Variants in LILRA1 observed in about 807,000 individuals in gnomAD.
The protein encoded by LILRA1 is leukocyte immunoglobulin-like receptor subfamily A member 1.
A neutral mutation model predicts 51.6 loss-of-function variants in LILRA1; 51 were observed. That is an observed-to-expected ratio of 0.99 (90% CI 0.79 to 1.25). The LOEUF (loss-of-function observed/expected upper bound fraction) is 1.25, where lower values mean the gene tolerates loss of function less well. LILRA1 is among the 50% of genes most tolerant of loss of function. The pLI is 0.00. For missense variants in LILRA1, 660 were observed against 611.7 expected (o/e 1.08, Z -0.83); for synonymous variants, 305 against 248.4 (o/e 1.23, Z -2.14).
intron 7 of LILRA1, among the ~76,000 whole-genome samples, chr19:54,597,055 G>A (rs2063074531): frequency 6.6e-6 from 1 of 152,236 alleles, no homozygotes; most frequent in South Asian, 2.1e-4. Context: ...AGAGTAGACT[G>A]AGGGTGAAAG....
In LILRA1 at chr19:54,594,495, C is replaced by A. The variant is rs374294332; in HGVS notation, c.70+19C>A. On this transcript the variant is annotated intron_variant, in intron 3 of 9. Transcript: ENST00000251372. Reference sequence around the variant, plus strand: ...CAGGCAGGTGAGTCTGTCCCCAGCTCTCCCAGGTCCCTCCTCCTCACTGGG... The same window carrying A: ...CAGGCAGGTGAGTCTGTCCCCAGCTATCCCAGGTCCCTCCTCCTCACTGGG... 7.0e-7 allele frequency: 1 copy of A among 1,437,860 alleles called. No individual in the cohort carries two copies. Among genetic ancestry groups the A allele is most frequent in the Non-Finnish European group, 9.3e-7 (1 of 1,072,238 alleles). The allele number at this position is 1,437,860 out of a possible 1,614,324, so 89.1% of individuals were successfully genotyped here.
chr19:54,599,090 G>A, intron 7 of LILRA1, 146 bp from the exon 8 acceptor site: 1 of 996,480 alleles, frequency 1.0e-6, no homozygotes, highest in South Asian at 1.5e-5. Context: ...CACTGTGCCT[G>A]GCCTGAATAT....
At chr19:54,597,850 T>A (rs2063091482) in intron 7 of LILRA1, among the ~76,000 whole-genome samples, 1 of 151,030 alleles carries the variant, frequency 6.6e-6, no homozygotes. Flanking sequence ...ACACGTGCTG[T>A]GAATAATTCC....
Position 54,602,206 on chromosome 19 carries a change from C to G in LILRA1, c.*1389C>G, listed in dbSNP as rs55797272. 2.0e-4 allele frequency: 29 copies of G among 147,808 alleles called. No individual in the cohort carries two copies. Among genetic ancestry groups the G allele is most frequent in the African/African-American group, 7.1e-4 (27 of 38,046 alleles). The allele number at this position is 147,808 out of a possible 1,614,324, so 9.2% of individuals were successfully genotyped here. On this transcript the variant is annotated 3_prime_UTR_variant, in exon 10 of 10. Transcript: ENST00000251372. ...AATCTTATCATTCGCCATCTACCCT[C>G]TAGAATAAAGAAATCTTATCATTCA...
chr19:54,595,541 C>T (rs1600264761), intron 5 of LILRA1, 98 bp from the exon 6 acceptor site: 10 of 1,543,132 alleles, frequency 6.5e-6, no homozygotes, highest in East Asian at 2.3e-5. Context: ...GGGCCGGAGA[C>T]ACAGGAAGAT....
In LILRA1 at chr19:54,595,667, G is replaced by T. The variant is rs2063026923; in HGVS notation, c.690G>T (p.Val230=). The T allele has an allele frequency of 6.2e-7, 1 of 1,613,244 alleles. No individual in the cohort carries two copies. The highest frequency in any genetic ancestry group is 1.3e-5 in the African/African-American group (1 of 75,000). ...LGVSKKPSLS[V]QPGPIVAPGE... is the part of the protein sequence containing the mutation. ...TTTCTAAGAAGCCATCACTCTCAGTGCAGCCAGGTCCTATAGTGGCCCCTG... is the reference window on the plus strand; with the variant it reads ...TTTCTAAGAAGCCATCACTCTCAGTTCAGCCAGGTCCTATAGTGGCCCCTG... Residue 230 remains valine (V), a synonymous_variant, in exon 6 of 10, where the codon GTG becomes GTT. Transcript: ENST00000251372.
In LILRA1 at chr19:54,595,552, C is replaced by T. The variant is rs2063022664; in HGVS notation, c.662-87C>T. 1.1e-5 allele frequency: 17 copies of T among 1,548,668 alleles called. No individual in the cohort carries two copies. The South Asian group carries it at 2.1e-4, about 19-fold the overall frequency. ...CCTGGGGCCGGAGACACAGGAAGAT[C>T]AGCAGTGGTGAGGCCCCGGGGGAGA... On this transcript the variant is annotated intron_variant, in intron 5 of 9. Coordinates refer to ENST00000251372, the MANE Select transcript of LILRA1 (RefSeq NM_006863.4).
In LILRA1 at chr19:54,595,212, T is replaced by C. The variant is rs1251035937; in HGVS notation, c.471T>C (p.Cys157=). 6.2e-7 allele frequency: 1 copy of C among 1,613,984 alleles called. No homozygotes were observed. Among genetic ancestry groups the C allele is most frequent in the Admixed American group, 1.7e-5 (1 of 60,010 alleles). The change falls in exon 5 of 10, where the codon TGT becomes TGC. Residue 157 remains cysteine, a synonymous_variant. Coordinates refer to ENST00000251372, the MANE Select transcript of LILRA1 (RefSeq NM_006863.4). ...SQVAFGSFIL[C]KEGEDEHPQC... is the part of the protein sequence containing the mutation. ...TGGCATTTGGCAGCTTCATTCTGTG[T>C]AAGGAAGGAGAAGATGAACACCCAC...
At position 54,594,767 on chromosome 19, in the gene LILRA1, A is replaced by C. The variant is rs770558939; in HGVS notation, c.173A>C (p.Tyr58Ser). The part of the protein sequence containing the change: ...WCQGILETQE[Y>S]RLYREKKTAP... ...CAGGGGATCCTGGAGACCCAGGAGTACCGTCTGTATAGAGAAAAGAAAACA... is the reference window on the plus strand; with the variant it reads ...CAGGGGATCCTGGAGACCCAGGAGTCCCGTCTGTATAGAGAAAAGAAAACA... The change falls in exon 4 of 10, where the codon TAC becomes TCC. Residue 58 changes from tyrosine (Y) to serine (S), a missense_variant. Physicochemically the swap from Tyr to Ser is moderately radical, Grantham distance 144. Coordinates refer to ENST00000251372, the MANE Select transcript of LILRA1 (RefSeq NM_006863.4). 2 of 1,614,002 alleles carry C rather than the reference A, an allele frequency of 1.2e-6. No individual in the cohort carries two copies. Among genetic ancestry groups the C allele is most frequent in the South Asian group, 2.2e-5 (2 of 91,090 alleles).
chr19:54,597,181 C>T (rs2063077330), intron 7 of LILRA1, among the ~76,000 whole-genome samples: 1 of 152,138 alleles, frequency 6.6e-6, no homozygotes, highest in South Asian at 2.1e-4. Context: ...ACTCCCAGCT[C>T]TAAAGAAGTT....
intron 9 of LILRA1, 29 bp downstream of exon 9, chr19:54,600,579 T>C: frequency 6.2e-7 from 1 of 1,613,850 alleles, no homozygotes; most frequent in Admixed American, 1.7e-5. Flanking sequence ...TCGTTTACGG[T>C]GCTGGGCACA....
At chr19:54,595,001 G>C in intron 4 of LILRA1, 49 bp downstream of exon 4, 1 of 1,608,390 alleles carries the variant, frequency 6.2e-7, no homozygotes, top group Non-Finnish European at 8.5e-7. Flanking sequence ...CCTCAGGAAG[G>C]GAGTCAGTTC....
intron 3 of LILRA1, 65 bp from the exon 4 acceptor site, chr19:54,594,600 G>A (rs2062982305): frequency 6.8e-7 from 1 of 1,474,122 alleles, no homozygotes; most frequent in Non-Finnish European, 9.4e-7. Flanking sequence ...GGAGGGTCCT[G>A]GGCTGAGAGC....
chr19:54,596,022 G>T, intron 6 of LILRA1, 87 bp downstream of exon 6: 12 of 1,563,890 alleles, frequency 7.7e-6, no homozygotes, highest in Non-Finnish European at 9.5e-6. Flanking sequence ...CGGAATGAGG[G>T]GTGGGGGTCC....
intron 7 of LILRA1, among the ~76,000 whole-genome samples, chr19:54,598,418 C>A (rs7255954): frequency 0.71 from 108,402 of 151,834 alleles, 39,134 homozygotes; most frequent in African/African-American, 0.75. Flanking sequence ...TGGATGTTTC[C>A]AAGCACAATG....
Position 54,595,100 on chromosome 19 carries a change from G to A in LILRA1, c.359G>A (p.Gly120Glu). 3 of 1,612,738 alleles carry A rather than the reference G, an allele frequency of 1.9e-6. No homozygotes were observed. Among genetic ancestry groups the A allele is most frequent in the Non-Finnish European group, 2.5e-6 (3 of 1,179,124 alleles). The change falls in exon 5 of 10, where the codon GGA (glycine) becomes GAA (glutamate). Residue 120 changes from glycine (G) to glutamate (E), a missense_variant and splice_region_variant. Gly to Glu is a moderately conservative substitution (Grantham distance 98). Coordinates refer to ENST00000251372, the MANE Select transcript of LILRA1 (RefSeq NM_006863.4). ...AACATGGTGCCTCCTTCTCTCCTAG[G>A]AGCCTACATCAAACCCACCCTCTCA... ...PSDPLELVVTGAYIKPTLSAL... is the reference protein window; with the variant it reads ...PSDPLELVVTEAYIKPTLSAL...
intron 7 of LILRA1, among the ~76,000 whole-genome samples, chr19:54,596,869 A>G (rs1202050707): frequency 4.6e-5 from 7 of 152,008 alleles, no homozygotes; most frequent in Non-Finnish European, 1.5e-5. Context: ...TCCATCTCAA[A>G]AAAAAAGGAA....
In LILRA1 at chr19:54,599,501, G is replaced by C. The variant is rs2063127938; in HGVS notation, c.1312+215G>C. The stretch of plus-strand genomic sequence containing the variant: ...ATCCATGAGAAAGCTACTGCTTTGA[G>C]TATATTCATTGTATTTCATGCTAAC... On this transcript the variant is annotated intron_variant, in intron 8 of 9. Coordinates refer to ENST00000251372, the MANE Select transcript of LILRA1 (RefSeq NM_006863.4). 19 of 1,214,670 alleles carry C rather than the reference G, an allele frequency of 1.6e-5. No homozygotes were observed. In the South Asian group the frequency reaches 2.6e-4, roughly 17 times the overall value. 75.2% of individuals were successfully genotyped at this position (1,214,670 alleles called of 1,614,324 possible).
At chr19:54,596,112 G>A in intron 6 of LILRA1, 77 bp from the exon 7 acceptor site, 1 of 1,554,250 alleles carries the variant, frequency 6.4e-7, no homozygotes, top group Non-Finnish European at 8.7e-7. Flanking sequence ...GAGACTGAGG[G>A]TCCCAGATAG....
Sources: gnomAD v4.1 joint callset for allele counts (sites outside exome capture counted in the v4.1 genomes callset) on GRCh38, gnomAD v4.1.1 for gene constraint, MANE v1.5 for transcripts, NCBI Gene and HGNC (gene_info 2026-07-23, HGNC 2026-07-21) for gene names.